Variants in DNAH14 observed in about 807,000 individuals in gnomAD.
The protein encoded by DNAH14 is axonemal beta dynein heavy chain 14.
In DNAH14, 478 loss-of-function variants were observed where a neutral mutation model predicts 520.9. The ratio of observed to expected loss-of-function variants is 0.92; its 90% confidence interval spans 0.85 to 0.99. DNAH14 has a LOEUF of 0.99. Ranked by LOEUF, DNAH14 falls within the 50% of genes least tolerant of loss-of-function variation. The probability of loss-of-function intolerance (pLI) is 0.00; values close to 1 mark genes in which losing one functional copy is unlikely to be tolerated. For synonymous variants in DNAH14, 1,581 were observed against 1,757.2 expected (o/e 0.90, Z 2.51); for missense variants, 4,831 against 5,234.5 (o/e 0.92, Z 2.38).
intron 54 of DNAH14, among the ~76,000 whole-genome samples, chr1:225,282,103 A>G (rs992785143): frequency 5.3e-5 from 8 of 152,328 alleles, no homozygotes; most frequent in African/African-American, 1.9e-4. Flanking sequence ...TTTTTATGTC[A>G]CTATCATCTA....
At chr1:225,335,142 C>G (rs1055585213) in intron 66 of DNAH14, among the ~76,000 whole-genome samples, 14 of 123,214 alleles carry the variant, frequency 1.1e-4, no homozygotes, top group African/African-American at 3.3e-4. Flanking sequence ...TGCATGTGCA[C>G]ATGTGTACAT....
At chr1:225,203,389 A>T (rs922688573) in intron 38 of DNAH14, among the ~76,000 whole-genome samples, 5 of 152,166 alleles carry the variant, frequency 3.3e-5, no homozygotes, top group African/African-American at 9.7e-5. Flanking sequence ...GTAGGAATTG[A>T]TTACTATTTG....
At chr1:225,381,136 A>G (rs912482257) in intron 80 of DNAH14, among the ~76,000 whole-genome samples, 1 of 152,222 alleles carries the variant, frequency 6.6e-6, no homozygotes, top group African/African-American at 2.4e-5. Context: ...CATATTGTCT[A>G]TGCATCCACA....
intron 42 of DNAH14, among the ~76,000 whole-genome samples, chr1:225,236,759 G>A (rs954531201): frequency 6.6e-6 from 1 of 152,092 alleles, no homozygotes; most frequent in Non-Finnish European, 1.5e-5. Flanking sequence ...ATTGCTTTGG[G>A]CAGCATGGTC....
rs1307577692 is a variant in DNAH14, at chr1:225,257,970, A to C, written c.6876A>C (p.Leu2292Phe). 1.9e-6 allele frequency: 3 copies of C among 1,548,828 alleles called. No individual in the cohort carries two copies. The highest frequency in any genetic ancestry group is 2.6e-6 in the Non-Finnish European group (3 of 1,145,860). ...DQTLIQRGTS[L>F]LTNLQRSGGN... ...AAAATGTTAACTTAGGAACTTCATT[A>C]CTAACTAATCTTCAAAGATCTGGCG... The change falls in exon 45 of 86, where the codon TTA (leucine) becomes TTC (phenylalanine). Residue 2292 changes from leucine to phenylalanine, a missense_variant. Transcript: ENST00000682510.
chr1:225,294,602 C>T (rs149268957), intron 55 of DNAH14, among the ~76,000 whole-genome samples: 99 of 152,196 alleles, frequency 6.5e-4, no homozygotes, highest in African/African-American at 2.3e-3. Context: ...AGGCAGATCA[C>T]CTGAGGTCAA....
intron 50 of DNAH14, among the ~76,000 whole-genome samples, chr1:225,271,181 A>G (rs1437901692): frequency 6.6e-6 from 1 of 152,126 alleles, no homozygotes; most frequent in Admixed American, 6.5e-5. Flanking sequence ...ACATACCCTG[A>G]TTTTTGCCAG....
Position 225,303,348 on chromosome 1 carries a change from G to A in DNAH14, c.8823+1G>A, listed in dbSNP as rs1184838021. 1.1e-5 allele frequency: 17 copies of A among 1,544,690 alleles called. No individual in the cohort carries two copies. The highest frequency in any genetic ancestry group is 1.1e-4 in the South Asian group (9 of 82,444). On this transcript the variant is annotated splice_donor_variant, in intron 57 of 85. Transcript: ENST00000682510. LOFTEE classifies it high-confidence loss of function. ...AAAGGTCAATTTTGAGAACAGAGAG[G>A]TAAATATCTAATGCAAGTGAAGGTT... is the stretch of plus-strand genomic sequence containing the variant.
At chr1:225,257,563 G>C in intron 44 of DNAH14, among the ~76,000 whole-genome samples, 1 of 146,692 alleles carries the variant, frequency 6.8e-6, no homozygotes, top group East Asian at 2.0e-4. Context: ...TTTTTGAGAC[G>C]GAGTCTCTGT....
At chr1:225,053,669 C>T (rs1201389536) in intron 17 of DNAH14, among the ~76,000 whole-genome samples, 1 of 152,026 alleles carries the variant, frequency 6.6e-6, no homozygotes, top group Non-Finnish European at 1.5e-5. Flanking sequence ...CAGGATATGG[C>T]ATTGACTGAA....
intron 39 of DNAH14, among the ~76,000 whole-genome samples, chr1:225,204,820 G>C (rs184470582): frequency 1.1e-4 from 16 of 152,252 alleles, no homozygotes; most frequent in Admixed American, 9.8e-4. Flanking sequence ...TCCACCATTA[G>C]TACATATATG....
At chr1:225,320,562 A>G (rs988215132) in intron 61 of DNAH14, among the ~76,000 whole-genome samples, 1 of 152,190 alleles carries the variant, frequency 6.6e-6, no homozygotes, top group Non-Finnish European at 1.5e-5. Flanking sequence ...CCTGATCTCC[A>G]TTGCTATTCT....
chr1:225,256,174 G>A (rs1442911345), intron 44 of DNAH14, among the ~76,000 whole-genome samples: 1 of 152,154 alleles, frequency 6.6e-6, no homozygotes, highest in Non-Finnish European at 1.5e-5. Flanking sequence ...AGAGAATTTA[G>A]TTTTAGTCTA....
Position 225,392,451 on chromosome 1 carries a change from G to A in DNAH14, c.13491G>A (p.Lys4497=). The change falls in exon 84 of 86, where the codon AAG becomes AAA. Residue 4497 remains lysine, a splice_region_variant and synonymous_variant. Coordinates refer to ENST00000682510, the MANE Select transcript of DNAH14 (RefSeq NM_001367479.1). ...TCAACATAGTCAGGAGAGCGTTTAA[G>A]GTACTGGAATACTTCAAGGATTAGA... ...KKLNIVRRAF[K]GSASSHTGVY... 6.4e-7 allele frequency: 1 copy of A among 1,551,620 alleles called. No individual in the cohort carries two copies.
At position 225,398,062 on chromosome 1, in the gene DNAH14, A is replaced by AAAAAAC. The variant is rs2096047827; in HGVS notation, c.13492-453_13492-452insCAAAAA. The AAAAAAC allele has an allele frequency of 2.6e-5, 4 of 151,930 alleles. 1 individual carries two copies. The highest frequency in any genetic ancestry group is 9.7e-5 in the African/African-American group (4 of 41,210). 9.4% of individuals were successfully genotyped at this position (151,930 alleles called of 1,614,324 possible). ...ACCCCATGTCAAAAAAAAAAAAAAA[A>AAAAAAC]AAAAAAACCCCTCCTCTGCCTTTTT... On this transcript the variant is annotated intron_variant, in intron 84 of 85. Coordinates refer to ENST00000682510, the MANE Select transcript of DNAH14 (RefSeq NM_001367479.1).
chr1:225,366,622 G>A (rs757097453), intron 76 of DNAH14, among the ~76,000 whole-genome samples: 1 of 152,200 alleles, frequency 6.6e-6, no homozygotes, highest in Non-Finnish European at 1.5e-5. Context: ...TTGAAAGGCA[G>A]ACATGCCTTG....
At chr1:225,177,561 C>T (rs1559194555) in intron 36 of DNAH14, among the ~76,000 whole-genome samples, 2 of 152,088 alleles carry the variant, frequency 1.3e-5, no homozygotes, top group Admixed American at 6.5e-5. Flanking sequence ...AAAATGGTTT[C>T]GTGGGCCAAA....
chr1:225,398,791 A>G, intron 85 of DNAH14, 125 bp downstream of exon 85: 1 of 1,320,708 alleles, frequency 7.6e-7, no homozygotes. Context: ...CTCAGACAAC[A>G]AAGATTTTAA....
chr1:225,017,953 G>C (rs2147975899), intron 10 of DNAH14, among the ~76,000 whole-genome samples: 1 of 152,302 alleles, frequency 6.6e-6, no homozygotes, highest in East Asian at 1.9e-4. Context: ...AGGAACATCA[G>C]CTTTCACAGA....
Sources: allele counts gnomAD v4.1 joint callset (sites outside exome capture counted in the v4.1 genomes callset), GRCh38; gene constraint gnomAD v4.1.1; transcripts MANE v1.5; gene names NCBI Gene and HGNC (gene_info 2026-07-23, HGNC 2026-07-21).